The following SCG5 variants were observed in gnomAD, a reference collection of about 807,000 sequenced individuals.
SCG5 encodes neuroendocrine protein 7B2.
Under a neutral mutation model 25.7 loss-of-function variants are expected in SCG5, and 18 were observed. The ratio of observed to expected loss-of-function variants is 0.70; its 90% CI spans 0.48 to 1.04. The LOEUF (loss-of-function observed/expected upper bound fraction) is 1.04, where lower values mean the gene tolerates loss of function less well. SCG5 is among the 50% of genes least tolerant of loss of function. The pLI, the probability that SCG5 is intolerant of heterozygous loss-of-function variation, is 0.00. For synonymous variants in SCG5, 101 were observed against 91.7 expected (o/e 1.10, Z -0.58); for missense variants, 206 against 259.8 (o/e 0.79, Z 1.42).
intron 5 of SCG5, among the ~76,000 whole-genome samples, chr15:32,694,353 T>C (rs1056780679): frequency 6.6e-6 from 1 of 152,200 alleles, no homozygotes; most frequent in Non-Finnish European, 1.5e-5. Flanking sequence ...GAACAACTTT[T>C]TGTACTCACC....
intron 4 of SCG5, among the ~76,000 whole-genome samples, chr15:32,690,896 C>G (rs1291128441): frequency 6.6e-6 from 1 of 150,562 alleles, no homozygotes; most frequent in Admixed American, 6.6e-5. Flanking sequence ...TAAAAAAAAT[C>G]AAATAAATAA....
chr15:32,684,738 AGCAATATGG>A, intron 4 of SCG5, 69 bp downstream of exon 4: 1 of 937,832 alleles, frequency 1.1e-6, no homozygotes, highest in Non-Finnish European at 1.7e-6. Context: ...GGCAGGGATG[AGCAATATGG>A]GCAGAAGGAG....
intron 2 of SCG5, among the ~76,000 whole-genome samples, chr15:32,658,701 T>C (rs895006957): frequency 6.6e-6 from 1 of 152,158 alleles, no homozygotes; most frequent in African/African-American, 2.4e-5. Flanking sequence ...TGCAGATAAA[T>C]AGGCTGCCCC....
intron 5 of SCG5, chr15:32,692,015 G>A (rs573535822): frequency 1.9e-5 from 26 of 1,362,568 alleles, no homozygotes; most frequent in East Asian, 8.5e-5. Context: ...ACTCCATTCC[G>A]TTCAGGAAAT....
At chr15:32,673,527 C>CGTGTGTGTGT (rs55968956) in intron 2 of SCG5, among the ~76,000 whole-genome samples, 41,370 of 134,596 alleles carry the variant, frequency 0.31, 6,757 homozygotes, top group Non-Finnish European at 0.33. Flanking sequence ...ATAAGATCCC[C>CGTGTGTGTGT]GTGTGTGTGT....
intron 2 of SCG5, among the ~76,000 whole-genome samples, chr15:32,671,780 C>G (rs565339540): frequency 6.6e-6 from 1 of 152,236 alleles, no homozygotes; most frequent in Admixed American, 6.5e-5. Context: ...TTTCTCTTAG[C>G]CCCCAGTGCC....
intron 5 of SCG5, chr15:32,692,269 C>T (rs2054873064): frequency 3.0e-6 from 3 of 987,144 alleles, no homozygotes; most frequent in African/African-American, 1.7e-5. Context: ...TTTTCTTGGC[C>T]TAGCCAGACT....
rs757372649 is a variant in SCG5, at chr15:32,696,520, A to G, written c.550A>G (p.Asn184Asp). The G allele has an allele frequency of 6.8e-6, 11 of 1,609,698 alleles. No homozygotes were observed. The highest frequency in any genetic ancestry group is 7.6e-6 in the Non-Finnish European group (9 of 1,176,802). The change falls in exon 6 of 6, where the codon AAT (asparagine) becomes GAT (aspartate). Residue 184 changes from asparagine to aspartate, a missense_variant. Asn to Asp is a conservative substitution (Grantham distance 23). Transcript: ENST00000300175. ...TTGTTTGTTTGTTTTTCAGAGTGTC[A>G]ATCCATATCTACAAGGACAGAGACT... Reference protein sequence around the residue: ...GGERRKRRSVNPYLQGQRLDN... With the variant: ...GGERRKRRSVDPYLQGQRLDN...
chr15:32,655,174 G>A (rs914547085), intron 2 of SCG5, among the ~76,000 whole-genome samples: 1 of 152,120 alleles, frequency 6.6e-6, no homozygotes, highest in Middle Eastern at 3.2e-3. Context: ...TGGACGTGGT[G>A]GCGGGCACCT....
At chr15:32,676,623 C>T (rs539764457) in intron 2 of SCG5, among the ~76,000 whole-genome samples, 1 of 152,266 alleles carries the variant, frequency 6.6e-6, no homozygotes, top group African/African-American at 2.4e-5. Flanking sequence ...TCATAGGTAT[C>T]CCTACACTAG....
intron 2 of SCG5, among the ~76,000 whole-genome samples, chr15:32,644,766 G>A (rs1009612103): frequency 1.3e-5 from 2 of 152,162 alleles, no homozygotes; most frequent in Admixed American, 6.5e-5. Flanking sequence ...GAGTGGGTCC[G>A]AAGGAAAATG....
chr15:32,643,608 G>A lies in SCG5; in HGVS notation c.16G>A (p.Val6Ile), dbSNP rs1225804173. 3 of 1,613,856 alleles carry A rather than the reference G, an allele frequency of 1.9e-6. No individual in the cohort carries two copies. Among genetic ancestry groups the A allele is most frequent in the Admixed American group, 1.7e-5 (1 of 60,018 alleles). The change falls in exon 2 of 6, where the codon GTC becomes ATC. Residue 6 changes from valine (V) to isoleucine (I), a missense_variant. Coordinates refer to ENST00000300175, the MANE Select transcript of SCG5 (RefSeq NM_001144757.3). ...CAGGTTGACAATGGTCTCCAGGATG[G>A]TCTCTACCATGCTATCTGGCCTACT... MVSRM[V>I]STMLSGLLFW... is the part of the protein sequence containing the mutation.
At chr15:32,658,769 G>C (rs902606280) in intron 2 of SCG5, among the ~76,000 whole-genome samples, 1 of 152,196 alleles carries the variant, frequency 6.6e-6, no homozygotes, top group Non-Finnish European at 1.5e-5. Flanking sequence ...TGGATGGGAC[G>C]GTGGGTTGGA....
chr15:32,673,629 T>G (rs1440754188), intron 2 of SCG5, among the ~76,000 whole-genome samples: 1 of 151,846 alleles, frequency 6.6e-6, no homozygotes, highest in Non-Finnish European at 1.5e-5. Context: ...TTTATTGTAT[T>G]TCATTATGGA....
chr15:32,657,915 C>G (rs529054733), intron 2 of SCG5, among the ~76,000 whole-genome samples: 1 of 152,140 alleles, frequency 6.6e-6, no homozygotes, highest in Non-Finnish European at 1.5e-5. Flanking sequence ...GAAGGTTAAA[C>G]TCTGACCAGA....
chr15:32,679,635 G>T, intron 2 of SCG5, 131 bp from the exon 3 acceptor site: 1 of 973,592 alleles, frequency 1.0e-6, no homozygotes, highest in South Asian at 1.5e-5. Flanking sequence ...TAGAGGGCAA[G>T]AACCATTTCA....
chr15:32,662,940 C>T (rs955407446), intron 2 of SCG5, among the ~76,000 whole-genome samples: 2 of 149,996 alleles, frequency 1.3e-5, no homozygotes, highest in African/African-American at 4.9e-5. Context: ...TTAGTTGGGC[C>T]TCTGTAATTA....
At chr15:32,651,048 A>G (rs2054024158) in intron 2 of SCG5, among the ~76,000 whole-genome samples, 1 of 151,976 alleles carries the variant, frequency 6.6e-6, no homozygotes, top group Admixed American at 6.6e-5. Flanking sequence ...AAATACAAAA[A>G]ATTAGCTGGG....
At chr15:32,688,903 G>T (rs1041552269) in intron 4 of SCG5, among the ~76,000 whole-genome samples, 2 of 145,038 alleles carry the variant, frequency 1.4e-5, no homozygotes, top group East Asian at 4.3e-4. Flanking sequence ...AGCTTGCAGC[G>T]AGCCGAGATA....
Sources: gnomAD v4.1 joint callset for allele counts (sites outside exome capture counted in the v4.1 genomes callset) on GRCh38, gnomAD v4.1.1 for gene constraint, MANE v1.5 for transcripts, NCBI Gene and HGNC (gene_info 2026-07-23, HGNC 2026-07-21) for gene names.